NPHP4: variants seen among roughly 807,000 people sequenced by gnomAD.
NPHP4 encodes nephrocystin 4.
NPHP4 carries 151 observed loss-of-function variants against 155.8 expected under a neutral mutation model. That is an observed-to-expected ratio of 0.97 (90% CI 0.85 to 1.11). The LOEUF (loss-of-function observed/expected upper bound fraction) is 1.11. NPHP4 is among the 50% of genes least tolerant of loss of function. The pLI is 0.00. For synonymous variants in NPHP4, 845 were observed against 816.8 expected (o/e 1.03, Z -0.59); for missense variants, 1,956 against 1,925.7 (o/e 1.02, Z -0.29).
chr1:5,937,211 G>A (rs1295985946), intron 9 of NPHP4, among the ~76,000 whole-genome samples: 1 of 152,070 alleles, frequency 6.6e-6, no homozygotes, highest in Non-Finnish European at 1.5e-5. Context: ...GGGTTTCCTG[G>A]GGAGGAGCTG....
chr1:5,925,904 C>T (rs1469755505), intron 11 of NPHP4, among the ~76,000 whole-genome samples: 2 of 152,192 alleles, frequency 1.3e-5, no homozygotes, highest in African/African-American at 4.8e-5. Flanking sequence ...CGTGAGCCAC[C>T]GTGCCTGGCC....
At chr1:5,908,757 C>G (rs1433425086) in intron 12 of NPHP4, among the ~76,000 whole-genome samples, 1 of 152,236 alleles carries the variant, frequency 6.6e-6, no homozygotes, top group African/African-American at 2.4e-5. Flanking sequence ...CCAGGGGACA[C>G]CAATAGCTGC....
intron 11 of NPHP4, among the ~76,000 whole-genome samples, chr1:5,926,372 A>AT (rs1646003982): frequency 6.6e-6 from 1 of 152,226 alleles, no homozygotes. Context: ...ATGTATTACT[A>AT]TTGTACTTTT....
Position 5,912,428 on chromosome 1 carries a change from C to T in NPHP4, c.1442-3215G>A, listed in dbSNP as rs1645226980. 2.0e-5 allele frequency among the ~76,000 whole-genome samples: 3 copies of T among 151,746 alleles called. No individual in the cohort carries two copies. The South Asian group carries it at 6.2e-4, about 32-fold the overall frequency. ...TGGTGGGCACCTGTAGTCCCAGCTACTCAGGAGGCTGAGGCAGGAGAATGG... is the reference window on the plus strand; with the variant it reads ...TGGTGGGCACCTGTAGTCCCAGCTATTCAGGAGGCTGAGGCAGGAGAATGG... On this transcript the variant is annotated intron_variant, in intron 11 of 29. Coordinates refer to ENST00000378156, the MANE Select transcript of NPHP4 (RefSeq NM_015102.5).
chr1:5,977,412 C>T (rs971119778), intron 3 of NPHP4, among the ~76,000 whole-genome samples: 3 of 152,084 alleles, frequency 2.0e-5, no homozygotes, highest in Non-Finnish European at 4.4e-5. Context: ...TCAGCAGCTT[C>T]GCAGAGAGGC....
chr1:5,954,986 G>A (rs1385560970), intron 6 of NPHP4, among the ~76,000 whole-genome samples: 1 of 151,808 alleles, frequency 6.6e-6, no homozygotes, highest in Non-Finnish European at 1.5e-5. Flanking sequence ...ATCTAACAAG[G>A]GGTTAATATC....
intron 11 of NPHP4, among the ~76,000 whole-genome samples, chr1:5,912,804 C>G (rs1450931422): frequency 1.3e-5 from 2 of 152,120 alleles, no homozygotes; most frequent in East Asian, 3.9e-4. Flanking sequence ...AGCAGCATGA[C>G]CAGGTGCCTC....
chr1:5,980,553 T>G (rs554045495), intron 2 of NPHP4, among the ~76,000 whole-genome samples: 2 of 151,654 alleles, frequency 1.3e-5, no homozygotes, highest in Non-Finnish European at 2.9e-5. Flanking sequence ...GCAGCTGCCA[T>G]GTGGGGGCGG....
Position 5,911,702 on chromosome 1 carries a change from C to CTCT in NPHP4, c.1442-2490_1442-2489insAGA, listed in dbSNP as rs574249141. The stretch of plus-strand genomic sequence containing the variant: ...TTAAAAAGATACCTGGTGGGAAGCC[C>CTCT]AGACCCCCAGGGCCCAAAACTCAGA... On this transcript the variant is annotated intron_variant, in intron 11 of 29. Coordinates refer to ENST00000378156, the MANE Select transcript of NPHP4 (RefSeq NM_015102.5). Among the ~76,000 whole-genome samples, 346 of 152,238 alleles carry CTCT rather than the reference C, an allele frequency of 2.3e-3. 2 individuals are homozygous for CTCT. Among genetic ancestry groups the CTCT allele is most frequent in the African/African-American group, 7.8e-3 (324 of 41,526 alleles).
chr1:5,866,911 G>T, intron 25 of NPHP4, 119 bp downstream of exon 25: 1 of 768,946 alleles, frequency 1.3e-6, no homozygotes. Flanking sequence ...CCTTGGGAAA[G>T]AAACCACTTA....
chr1:5,905,265 T>C lies in NPHP4; in HGVS notation c.1955+27A>G. The C allele has an allele frequency of 1.3e-6, 2 of 1,570,248 alleles. No individual in the cohort carries two copies. The highest frequency in any genetic ancestry group is 1.8e-6 in the Non-Finnish European group (2 of 1,140,080). ...CAACACAGGAAATGTGAAAGCCAGA[T>C]GAGTAACAGAATATTCAAGGATTTA... On this transcript the variant is annotated intron_variant, in intron 15 of 29. Coordinates refer to ENST00000378156, the MANE Select transcript of NPHP4 (RefSeq NM_015102.5). This position sits in a 1 kb window ranked among gnomAD's most constrained non-coding sequence, Gnocchi z 4.0.
At chr1:5,967,767 T>C (rs938422547) in intron 4 of NPHP4, among the ~76,000 whole-genome samples, 1 of 152,106 alleles carries the variant, frequency 6.6e-6, no homozygotes, top group African/African-American at 2.4e-5. Context: ...TTTTCGTTTG[T>C]CACAACAGGG....
chr1:5,877,099 G>C lies in NPHP4; in HGVS notation c.2811C>G (p.Ser937Arg). 6.4e-7 allele frequency: 1 copy of C among 1,564,786 alleles called. No homozygotes were observed. Among genetic ancestry groups the C allele is most frequent in the Non-Finnish European group, 8.7e-7 (1 of 1,146,064 alleles). ...AGGDLGRRGT[S>R]VLAQQSVRTQ... is the part of the protein sequence containing the mutation. The stretch of plus-strand genomic sequence containing the variant: ...CAGCTGAACAAACCCTTACCAACAC[G>C]CTCGTCCCGCGCCGGCCCAAGTCTC... Residue 937 changes from serine to arginine, a missense_variant, in exon 20 of 30, where the codon AGC (serine) becomes AGG (arginine). By Grantham distance (110) the Ser-to-Arg change is moderately radical. Coordinates refer to ENST00000378156, the MANE Select transcript of NPHP4 (RefSeq NM_015102.5).
At position 5,944,717 on chromosome 1, in the gene NPHP4, C is replaced by T. The variant is rs1430157133; in HGVS notation, c.1119+2387G>A. ...GGGCGCGGTGGTTCACGTCTGGAAC[C>T]TGAGCACTTTGGGAGGCCAAGGAGG... is the stretch of plus-strand genomic sequence containing the variant. On this transcript the variant is annotated intron_variant, in intron 9 of 29. Transcript: ENST00000378156. The surrounding 1 kb of genome is among the most constrained non-coding windows in gnomAD (Gnocchi z 4.3). Among the ~76,000 whole-genome samples, 3 of 152,290 alleles carry T rather than the reference C, an allele frequency of 2.0e-5. No individual in the cohort carries two copies. Among genetic ancestry groups the T allele is most frequent in the Admixed American group, 2.0e-4 (3 of 15,300 alleles).
chr1:5,967,326 G>A lies in NPHP4; in HGVS notation c.490C>T (p.His164Tyr), dbSNP rs761063669. 20 of 1,607,638 alleles carry A rather than the reference G, an allele frequency of 1.2e-5. No individual in the cohort carries two copies. In the Admixed American group the frequency reaches 2.9e-4, roughly 23 times the overall value. ...LYHGTPRALL[H>Y]PLLQDPAEQN... The stretch of plus-strand genomic sequence containing the variant: ...TCTGCGGGGTCCTGGAGAAGCGGGT[G>A]CAGGAGGGCTCTGGGGGTGCCATGG... Residue 164 changes from histidine to tyrosine, a missense_variant, in exon 5 of 30, where the codon CAC (histidine) becomes TAC (tyrosine). Physicochemically the swap from His to Tyr is moderately conservative, Grantham distance 83 (BLOSUM62 2). Transcript: ENST00000378156.
At chr1:5,976,268 A>G (rs2102340875) in intron 3 of NPHP4, among the ~76,000 whole-genome samples, 1 of 152,202 alleles carries the variant, frequency 6.6e-6, no homozygotes, top group South Asian at 2.1e-4. Flanking sequence ...AAATGGGTAC[A>G]CAGGATACTG....
intron 16 of NPHP4, among the ~76,000 whole-genome samples, chr1:5,898,307 C>T (rs555838013): frequency 8.5e-5 from 13 of 152,330 alleles, no homozygotes; most frequent in East Asian, 3.9e-4. Context: ...AACCAACACA[C>T]GCAGGGGAGA....
rs1234823713 is a variant in NPHP4 at position 5,863,377 on chromosome 1, C to G, written c.4169G>C (p.Gly1390Ala). ...TCTCTGACTAGGCGCAAACTGCAAG[C>G]CGATGGTGTAGGTCTCTCCACCCCC... ...QVGGGETYTI[G>A]LQFAPSQRVG... The change falls in exon 30 of 30, where the codon GGC (glycine) becomes GCC (alanine). Residue 1390 changes from glycine (G) to alanine (A), a missense_variant. Transcript: ENST00000378156. The G allele has an allele frequency of 3.1e-6, 5 of 1,614,024 alleles. No homozygotes were observed. The highest frequency in any genetic ancestry group is 4.2e-6 in the Non-Finnish European group (5 of 1,179,874).
At chr1:5,965,068 GACCACAGGGGCGCACCGCCAT>G (rs1360121334) in intron 5 of NPHP4, among the ~76,000 whole-genome samples, 1 of 150,106 alleles carries the variant, frequency 6.7e-6, no homozygotes, top group African/African-American at 2.5e-5. Context: ...AAGTAGCTAT[GACCACAGGGGCGCACCGCCAT>G]ACCCAGTTAA....
Sources: gnomAD v4.1 joint callset for allele counts (sites outside exome capture counted in the v4.1 genomes callset) on GRCh38, gnomAD v4.1.1 for gene constraint, Gnocchi (gnomAD v3.1) non-coding constraint, MANE v1.5 for transcripts, NCBI Gene and HGNC (gene_info 2026-07-23, HGNC 2026-07-21) for gene names.